THSD7A: variants seen among roughly 807,000 people sequenced by gnomAD.
THSD7A encodes thrombospondin type-1 domain-containing protein 7A.
Under a neutral mutation model 231.3 loss-of-function variants are expected in THSD7A, and 96 were observed. That is an observed-to-expected ratio of 0.41 (90% CI 0.35 to 0.49). The LOEUF (loss-of-function observed/expected upper bound fraction) is 0.49, where lower values mean the gene tolerates loss of function less well. THSD7A is among the 20% of genes least tolerant of loss of function. The pLI is 0.05. For missense variants in THSD7A, 2,290 were observed against 2,070.2 expected, an observed-to-expected ratio of 1.11 and a Z score of -2.06; for synonymous variants, 940 against 743.3, an observed-to-expected ratio of 1.26 and a Z score of -4.30.
intron 1 of THSD7A, among the ~76,000 whole-genome samples, chr7:11,701,895 C>T (rs1046987873): frequency 6.6e-6 from 1 of 151,228 alleles, no homozygotes; most frequent in Middle Eastern, 3.2e-3. Context: ...AACTCTCTTT[C>T]CTCCCCTCTT....
At chr7:11,821,662 T>C (rs1266275117) in intron 1 of THSD7A, among the ~76,000 whole-genome samples, 1 of 152,194 alleles carries the variant, frequency 6.6e-6, no homozygotes, top group Non-Finnish European at 1.5e-5. Context: ...AATCTACTAA[T>C]GTGACTCCTT....
chr7:11,608,054 T>C (rs535810593), intron 2 of THSD7A, among the ~76,000 whole-genome samples: 1 of 152,236 alleles, frequency 6.6e-6, no homozygotes, highest in South Asian at 2.1e-4. Flanking sequence ...TGCATGCAGC[T>C]GCTTACTTAT....
intron 1 of THSD7A, among the ~76,000 whole-genome samples, chr7:11,822,866 G>A (rs923788053): frequency 2.0e-5 from 3 of 151,954 alleles, no homozygotes; most frequent in Admixed American, 6.6e-5. Context: ...CCTGATGGAT[G>A]AATAGTTAGC....
chr7:11,750,337 A>G (rs761760248), intron 1 of THSD7A, among the ~76,000 whole-genome samples: 4 of 151,956 alleles, frequency 2.6e-5, no homozygotes, highest in Admixed American at 6.6e-5. Context: ...GGACGGTATC[A>G]GTAACATTAT....
At chr7:11,509,479 T>C (rs940004748) in intron 6 of THSD7A, among the ~76,000 whole-genome samples, 3 of 152,168 alleles carry the variant, frequency 2.0e-5, no homozygotes, top group African/African-American at 7.2e-5. Flanking sequence ...TCTATGTATG[T>C]AAATTAATAT....
intron 4 of THSD7A, among the ~76,000 whole-genome samples, chr7:11,546,204 T>G (rs6974797): frequency 0.53 from 74,634 of 140,126 alleles, 19,551 homozygotes; most frequent in Admixed American, 0.6. Context: ...GGGCGCGCGC[T>G]CACACACACA....
intron 4 of THSD7A, among the ~76,000 whole-genome samples, chr7:11,572,236 A>C (rs1308067952): frequency 1.3e-5 from 2 of 151,888 alleles, no homozygotes; most frequent in Admixed American, 1.3e-4. Context: ...TTTTCCCTCC[A>C]ATCTTCTCTC....
chr7:11,785,664 AAGAAATCCATGAT>A (rs1583289554), intron 1 of THSD7A, among the ~76,000 whole-genome samples: 1 of 152,038 alleles, frequency 6.6e-6, no homozygotes, highest in East Asian at 1.9e-4. Context: ...CTCCATATTC[AAGAAATCCATGAT>A]AGAGTATTAA....
chr7:11,560,269 C>T (rs1044568352), intron 4 of THSD7A, among the ~76,000 whole-genome samples: 3 of 152,060 alleles, frequency 2.0e-5, no homozygotes, highest in African/African-American at 4.8e-5. Flanking sequence ...AAGAGGAAAG[C>T]AGTCATGAAT....
At chr7:11,421,651 A>G (rs1784148888) in intron 16 of THSD7A, among the ~76,000 whole-genome samples, 1 of 152,228 alleles carries the variant, frequency 6.6e-6, no homozygotes, top group African/African-American at 2.4e-5. Context: ...CTCATAACAG[A>G]CTATATTTAT....
At chr7:11,737,381 T>C (rs1037254850) in intron 1 of THSD7A, among the ~76,000 whole-genome samples, 6 of 152,018 alleles carry the variant, frequency 3.9e-5, no homozygotes, top group African/African-American at 1.4e-4. Context: ...TAGCCAGGCT[T>C]GATGTGTGAA....
At chr7:11,706,370 T>A (rs1780765778) in intron 1 of THSD7A, among the ~76,000 whole-genome samples, 1 of 150,742 alleles carries the variant, frequency 6.6e-6, no homozygotes, top group African/African-American at 2.4e-5. Context: ...ACACATTGAA[T>A]TTGCAAGTGG....
intron 1 of THSD7A, among the ~76,000 whole-genome samples, chr7:11,821,681 A>C (rs1485173468): frequency 6.6e-6 from 1 of 152,064 alleles, no homozygotes; most frequent in Non-Finnish European, 1.5e-5. Flanking sequence ...TTCTATGTGG[A>C]CCATCTCTCT....
chr7:11,636,099 C>A lies in THSD7A; in HGVS notation c.1022+31G>T. The stretch of plus-strand genomic sequence containing the variant: ...GTACTCATGATTCTTGACAGACAAG[C>A]CTGTGTAGTTAACAGTAATTAAAAT... On this transcript the variant is annotated intron_variant, in intron 2 of 27. Transcript: ENST00000423059. The surrounding 1 kb of genome is among the most constrained non-coding windows in gnomAD (Gnocchi z 10.0). 6.4e-7 allele frequency: 1 copy of A among 1,564,406 alleles called. No individual in the cohort carries two copies. The highest frequency in any genetic ancestry group is 1.2e-5 in the South Asian group (1 of 83,890).
intron 1 of THSD7A, among the ~76,000 whole-genome samples, chr7:11,674,546 C>T (rs554656761): frequency 3.0e-4 from 45 of 152,262 alleles, no homozygotes; most frequent in African/African-American, 9.9e-4. Context: ...AACTGTGAAA[C>T]TCCCCAAAGG....
At position 11,647,444 on chromosome 7, in the gene THSD7A, A is replaced by C. The variant is rs376518902; in HGVS notation, c.191-10483T>G. On this transcript the variant is annotated intron_variant, in intron 1 of 27. Coordinates refer to ENST00000423059, the MANE Select transcript of THSD7A (RefSeq NM_015204.3). ...GCTCATCCTGGAAAACATTTCTCCA[A>C]TCATGCAATCTGTTATTTTTCGACT... Among the ~76,000 whole-genome samples, 5 of 152,154 alleles carry C rather than the reference A, an allele frequency of 3.3e-5. No homozygotes were observed. The East Asian group carries it at 7.8e-4, about 24-fold the overall frequency.
rs1782248302 is a variant in THSD7A at position 11,375,832 on chromosome 7, G to A, written c.4936C>T (p.Pro1646Ser). 3 of 1,612,618 alleles carry A rather than the reference G, an allele frequency of 1.9e-6. No individual in the cohort carries two copies. The highest frequency in any genetic ancestry group is 2.5e-6 in the Non-Finnish European group (3 of 1,179,086). The change falls in exon 28 of 28, where the codon CCT (proline) becomes TCT (serine). Residue 1646 changes from proline (P) to serine (S), a missense_variant. Physicochemically the swap from Pro to Ser is moderately conservative, Grantham distance 74. Transcript: ENST00000423059. ...PQRRQNNRLK[P>S]LTLAYDGDAD... is the part of the protein sequence containing the mutation. Reference sequence around the variant, plus strand: ...TCTCCATCATAGGCTAAGGTTAAAGGTTTCAGTCGGTTGTTTTGCCTTCTT... The same window carrying A: ...TCTCCATCATAGGCTAAGGTTAAAGATTTCAGTCGGTTGTTTTGCCTTCTT...
intron 1 of THSD7A, among the ~76,000 whole-genome samples, chr7:11,770,629 T>C (rs747530370): frequency 7.9e-5 from 12 of 152,162 alleles, no homozygotes; most frequent in Non-Finnish European, 1.6e-4. Context: ...GGACTACACA[T>C]AGCATGAAAA....
intron 1 of THSD7A, among the ~76,000 whole-genome samples, chr7:11,763,570 T>A (rs987906445): frequency 7.2e-5 from 11 of 152,160 alleles, no homozygotes; most frequent in African/African-American, 2.7e-4. Flanking sequence ...AATCTTAGCA[T>A]AATGCCTTAA....
Sources: gnomAD v4.1 joint callset for allele counts (sites outside exome capture counted in the v4.1 genomes callset) on GRCh38, gnomAD v4.1.1 for gene constraint, Gnocchi (gnomAD v3.1) non-coding constraint, MANE v1.5 for transcripts, NCBI Gene and HGNC (gene_info 2026-07-23, HGNC 2026-07-21) for gene names.